PLLP: variants seen among roughly 807,000 people sequenced by gnomAD.
The protein encoded by PLLP is plasma membrane proteolipid (plasmolipin).
A neutral mutation model predicts 19.7 loss-of-function variants in PLLP; 15 were observed. The observed-to-expected ratio is 0.76, with a 90% confidence interval of 0.51 to 1.17. The LOEUF (loss-of-function observed/expected upper bound fraction) is 1.17. PLLP is among the 50% of genes most tolerant of loss of function. The pLI is 0.00. For missense variants in PLLP, 255 were observed against 258.3 expected, an observed-to-expected ratio of 0.99 and a Z score of 0.09; for synonymous variants, 111 against 116.3, an observed-to-expected ratio of 0.95 and a Z score of 0.29.
intron 1 of PLLP, among the ~76,000 whole-genome samples, chr16:57,266,590 G>C (rs1286342570): frequency 6.6e-6 from 1 of 152,308 alleles, no homozygotes; most frequent in East Asian, 1.9e-4. Flanking sequence ...AGGGAGGTGA[G>C]GGAGGGGCAG....
intron 1 of PLLP, 26 bp from the exon 2 acceptor site, chr16:57,262,096 T>C (rs2146439505): frequency 6.2e-7 from 1 of 1,610,948 alleles, no homozygotes; most frequent in Non-Finnish European, 8.5e-7. Flanking sequence ...AAGGCAGGAT[T>C]GGCCAGAGAT....
At chr16:57,284,368 G>A in intron 1 of PLLP, 38 bp downstream of exon 1, 1 of 1,334,552 alleles carries the variant, frequency 7.5e-7, no homozygotes, top group Non-Finnish European at 9.6e-7. Flanking sequence ...CGGACCGGGA[G>A]CCCCCGGCCA....
At chr16:57,258,439 G>A (rs768303810) in intron 3 of PLLP, 23 bp downstream of exon 3, 1 of 1,605,196 alleles carries the variant, frequency 6.2e-7, no homozygotes, top group East Asian at 2.2e-5. Context: ...AGACCACCAA[G>A]GGAGCCTGGG....
chr16:57,270,136 G>A (rs1241831788), intron 1 of PLLP, among the ~76,000 whole-genome samples: 1 of 152,036 alleles, frequency 6.6e-6, no homozygotes, highest in East Asian at 1.9e-4. Context: ...GGCCAAAGGG[G>A]CCAAGGCAGC....
At chr16:57,274,101 C>A (rs747882849) in intron 1 of PLLP, among the ~76,000 whole-genome samples, 1 of 152,102 alleles carries the variant, frequency 6.6e-6, no homozygotes, top group Non-Finnish European at 1.5e-5. Context: ...AATCCTCCCA[C>A]CTCACCCTCC....
chr16:57,257,499 G>A (rs1277149901), intron 3 of PLLP, among the ~76,000 whole-genome samples: 2 of 152,228 alleles, frequency 1.3e-5, no homozygotes, highest in Non-Finnish European at 2.9e-5. Context: ...CGTGCCCATT[G>A]AGGCCCTGCC....
rs191995547 is a variant in PLLP at position 57,283,004 on chromosome 16, G to C, written c.135+1402C>G. On this transcript the variant is annotated intron_variant, in intron 1 of 3. Transcript: ENST00000219207. ...CCAGCCCAGAGCAGAGCATTCTAGC[G>C]GTGGCGGGGTCAGTGGCTCTCCCCA... Among the ~76,000 whole-genome samples, 225 of 152,208 alleles carry C rather than the reference G, an allele frequency of 1.5e-3. 2 individuals carry two copies. The highest frequency in any genetic ancestry group is 4.9e-3 in the African/African-American group (202 of 41,512).
chr16:57,256,411 G>A lies in PLLP; in HGVS notation c.*502C>T. On this transcript the variant is annotated 3_prime_UTR_variant, in exon 4 of 4. Transcript: ENST00000219207. The stretch of plus-strand genomic sequence containing the variant: ...TCAGCAATCAACCCACTTTTTACAG[G>A]TTGGCTCCAGGGAGAGGTTGGTTGA... The A allele has an allele frequency of 4.5e-6, 1 of 223,308 alleles. No homozygotes were observed. Among genetic ancestry groups the A allele is most frequent in the Admixed American group, 5.8e-5 (1 of 17,318 alleles). The allele number at this position is 223,308 out of a possible 1,614,324, so 13.8% of individuals were successfully genotyped here. A position where few individuals can be genotyped will look rare whatever the true frequency, so the allele number is the denominator to read the frequency against.
At chr16:57,281,149 T>C (rs1901214262) in intron 1 of PLLP, among the ~76,000 whole-genome samples, 1 of 152,140 alleles carries the variant, frequency 6.6e-6, no homozygotes, top group South Asian at 2.1e-4. Context: ...TCCCCACCAC[T>C]CCCTCCATAA....
At chr16:57,258,408 G>A (rs1395145811) in intron 3 of PLLP, 54 bp downstream of exon 3, 3 of 1,588,010 alleles carry the variant, frequency 1.9e-6, no homozygotes, top group African/African-American at 1.3e-5. Flanking sequence ...AGCAGCCTGA[G>A]TCCTGGGGCT....
chr16:57,258,746 G>A (rs529251052), intron 2 of PLLP, among the ~76,000 whole-genome samples, 162 bp from the exon 3 acceptor site: 16 of 151,408 alleles, frequency 1.1e-4, no homozygotes, highest in African/African-American at 3.2e-4. Context: ...ACATAGGTAG[G>A]CCCCATCTCT....
chr16:57,265,141 G>T (rs1249183875), intron 1 of PLLP, among the ~76,000 whole-genome samples: 11 of 152,242 alleles, frequency 7.2e-5, no homozygotes, highest in African/African-American at 2.7e-4. Context: ...AGCAGGCCAG[G>T]TGAGGGTAGG....
chr16:57,274,908 C>T (rs1418379832), intron 1 of PLLP, among the ~76,000 whole-genome samples: 2 of 151,958 alleles, frequency 1.3e-5, no homozygotes, highest in African/African-American at 4.8e-5. Context: ...ACTACAGGCG[C>T]CCGCCACCAT....
chr16:57,278,253 T>C (rs1169474824), intron 1 of PLLP, among the ~76,000 whole-genome samples: 3 of 152,138 alleles, frequency 2.0e-5, no homozygotes, highest in African/African-American at 7.2e-5. Context: ...GGCAGGAGAA[T>C]GGCGTGAACC....
chr16:57,265,663 TTCTA>T (rs756346480), intron 1 of PLLP, among the ~76,000 whole-genome samples: 1 of 152,164 alleles, frequency 6.6e-6, no homozygotes, highest in African/African-American at 2.4e-5. Flanking sequence ...TCCTCAAATG[TTCTA>T]TCTGTTATTC....
chr16:57,273,988 C>A (rs1311568235), intron 1 of PLLP, among the ~76,000 whole-genome samples: 1 of 152,134 alleles, frequency 6.6e-6, no homozygotes, highest in African/African-American at 2.4e-5. Flanking sequence ...CGAACGTGTA[C>A]TATTTTTTAT....
intron 1 of PLLP, among the ~76,000 whole-genome samples, chr16:57,277,322 G>A (rs1244280021): frequency 6.6e-6 from 1 of 152,230 alleles, no homozygotes; most frequent in Non-Finnish European, 1.5e-5. Context: ...GGGTGCGGTG[G>A]CTCACGCCTG....
intron 3 of PLLP, among the ~76,000 whole-genome samples, chr16:57,258,230 C>T (rs1831314872): frequency 6.6e-6 from 1 of 151,438 alleles, no homozygotes; most frequent in Admixed American, 6.6e-5. Flanking sequence ...GATTCCATCT[C>T]AAAAAAAAGA....
chr16:57,269,105 C>A (rs1268791526), intron 1 of PLLP, among the ~76,000 whole-genome samples: 1 of 152,212 alleles, frequency 6.6e-6, no homozygotes, highest in African/African-American at 2.4e-5. Context: ...TCCTCATAGG[C>A]TGAGGGGCCT....
Sources: gnomAD v4.1 joint callset for allele counts (sites outside exome capture counted in the v4.1 genomes callset) on GRCh38, gnomAD v4.1.1 for gene constraint, MANE v1.5 for transcripts, NCBI Gene and HGNC (gene_info 2026-07-23, HGNC 2026-07-21) for gene names.